The following SKAP2 variants were observed in gnomAD, a reference collection of about 807,000 sequenced individuals.
SKAP2 encodes the protein src kinase-associated phosphoprotein 2.
SKAP2 carries 28 observed loss-of-function variants against 54.9 expected under a neutral mutation model. The ratio of observed to expected loss-of-function variants is 0.51; its 90% CI spans 0.38 to 0.70. The LOEUF (loss-of-function observed/expected upper bound fraction) is 0.70, where lower values mean the gene tolerates loss of function less well. SKAP2 is among the 30% of genes least tolerant of loss of function. The probability of loss-of-function intolerance (pLI) is 0.00; values close to 1 mark genes in which losing one functional copy is unlikely to be tolerated. For missense variants in SKAP2, 356 were observed against 424.1 expected (o/e 0.84, Z 1.41); for synonymous variants, 137 against 134.3 (o/e 1.02, Z -0.14).
chr7:26,769,960 C>T lies in SKAP2; in HGVS notation c.308-29996G>A, dbSNP rs537078445. ...ACCCACTTGAGGAGGCAGTCTGACC[C>T]TTAGCAGAGCTTGAGAGCTGTGCTG... On this transcript the variant is annotated intron_variant, in intron 4 of 12. Transcript: ENST00000345317. 2.6e-5 allele frequency among the ~76,000 whole-genome samples: 4 copies of T among 152,294 alleles called. No individual in the cohort carries two copies. In the East Asian group the frequency reaches 7.7e-4, roughly 29 times the overall value.
intron 4 of SKAP2, among the ~76,000 whole-genome samples, chr7:26,815,693 T>C (rs1174065177): frequency 6.6e-6 from 1 of 152,054 alleles, no homozygotes; most frequent in Non-Finnish European, 1.5e-5. Context: ...TGATGGAGGA[T>C]AAATCAATTA....
At chr7:26,664,066 G>A (rs1385133525), downstream of SKAP2, among the ~76,000 whole-genome samples, 1 of 152,102 alleles carries the variant, frequency 6.6e-6, no homozygotes, top group African/African-American at 2.4e-5. Context: ...CATTTGTTGT[G>A]TGCCTATTAT....
intron 4 of SKAP2, among the ~76,000 whole-genome samples, chr7:26,798,518 T>C (rs113972780): frequency 1.2e-3 from 176 of 152,154 alleles, no homozygotes; most frequent in Admixed American, 3.4e-3. Context: ...CAACCGGAAG[T>C]ACTTCAATCA....
intron 9 of SKAP2, among the ~76,000 whole-genome samples, chr7:26,695,981 C>T (rs1289497042): frequency 1.3e-5 from 2 of 152,084 alleles, no homozygotes; most frequent in Admixed American, 6.6e-5. Context: ...GAACCCCACC[C>T]GCTCTTCTCT....
intron 4 of SKAP2, among the ~76,000 whole-genome samples, chr7:26,794,500 G>A (rs905470488): frequency 1.3e-5 from 2 of 152,228 alleles, no homozygotes; most frequent in African/African-American, 4.8e-5. Flanking sequence ...GATAAAAGTT[G>A]CCAGGTGGAG....
chr7:26,858,125 AG>A (rs1009901374), intron 1 of SKAP2: 1 of 152,204 alleles, frequency 6.6e-6, no homozygotes, highest in African/African-American at 2.4e-5. Flanking sequence ...GAAGCGTGGG[AG>A]GCCCACTCTG....
At chr7:26,736,068 T>C (rs1284092965) in intron 6 of SKAP2, among the ~76,000 whole-genome samples, 3 of 152,188 alleles carry the variant, frequency 2.0e-5, no homozygotes, top group Admixed American at 2.0e-4. Context: ...AATGGTAATT[T>C]TTTTAAAGTG....
At chr7:26,751,234 A>G (rs1202938959) in intron 4 of SKAP2, among the ~76,000 whole-genome samples, 1 of 152,126 alleles carries the variant, frequency 6.6e-6, no homozygotes, top group Non-Finnish European at 1.5e-5. Context: ...CCATCTCCCA[A>G]AACAACCTTA....
At chr7:26,658,153 T>A in the SKAP2 span, among the ~76,000 whole-genome samples, 5 of 152,270 alleles carry the variant, frequency 3.3e-5, 1 homozygote, top group East Asian at 9.7e-4. Flanking sequence ...GACGCAAACA[T>A]AGCATTATTT....
intron 11 of SKAP2, among the ~76,000 whole-genome samples, chr7:26,677,469 T>C (rs1393053056): frequency 2.0e-5 from 3 of 150,750 alleles, no homozygotes; most frequent in African/African-American, 7.3e-5. Flanking sequence ...CTTTCATCAA[T>C]ATAGCCATCC....
At chr7:26,709,195 T>C (rs889048678) in intron 9 of SKAP2, among the ~76,000 whole-genome samples, 2 of 152,200 alleles carry the variant, frequency 1.3e-5, no homozygotes, top group East Asian at 3.9e-4. Flanking sequence ...TCAGGCTAGG[T>C]TTCCAGGAAG....
chr7:26,824,052 T>C (rs2127990989), intron 4 of SKAP2, among the ~76,000 whole-genome samples: 1 of 152,310 alleles, frequency 6.6e-6, no homozygotes, highest in East Asian at 1.9e-4. Flanking sequence ...GGTAAAATGG[T>C]AGCAAACAAC....
intron 4 of SKAP2, among the ~76,000 whole-genome samples, chr7:26,841,110 T>C (rs1298740550): frequency 6.6e-6 from 1 of 152,072 alleles, no homozygotes; most frequent in African/African-American, 2.4e-5. Context: ...CAGCACACCT[T>C]TCAGGCAACT....
At position 26,756,456 on chromosome 7, in the gene SKAP2, C is replaced by G. The variant is rs189866290; in HGVS notation, c.308-16492G>C. ...GGTTTTTTGTCCTTGTGATAGTTTGCTGAGAATGATGGTTTCCAGCTTCAT... is the reference window on the plus strand; with the variant it reads ...GGTTTTTTGTCCTTGTGATAGTTTGGTGAGAATGATGGTTTCCAGCTTCAT... On this transcript the variant is annotated intron_variant, in intron 4 of 12. Transcript: ENST00000345317. Among the ~76,000 whole-genome samples, 73 of 152,278 alleles carry G rather than the reference C, an allele frequency of 4.8e-4. No homozygotes were observed. In the East Asian group the frequency reaches 7.3e-3, roughly 15 times the overall value.
chr7:26,788,848 C>T (rs893479698), intron 4 of SKAP2, among the ~76,000 whole-genome samples: 11 of 151,944 alleles, frequency 7.2e-5, no homozygotes, highest in Admixed American at 7.2e-4. Context: ...ACAAATTAAT[C>T]GCAAAGTTCT....
At chr7:26,665,558 G>T (rs1786091387), downstream of SKAP2, among the ~76,000 whole-genome samples, 1 of 152,158 alleles carries the variant, frequency 6.6e-6, no homozygotes, top group South Asian at 2.1e-4. Flanking sequence ...CATATAATGT[G>T]TACCATGCTG....
At chr7:26,849,231 G>A (rs751623622) in intron 3 of SKAP2, among the ~76,000 whole-genome samples, 2 of 152,006 alleles carry the variant, frequency 1.3e-5, no homozygotes, top group Non-Finnish European at 2.9e-5. Flanking sequence ...GAAGGTCAAA[G>A]GAAACTGCTT....
At chr7:26,753,544 AG>A (rs1782729305) in intron 4 of SKAP2, among the ~76,000 whole-genome samples, 2 of 152,236 alleles carry the variant, frequency 1.3e-5, no homozygotes, top group South Asian at 4.1e-4. Flanking sequence ...TATAAATGAT[AG>A]TGCAACTAAT....
rs530844875 is a variant in SKAP2, at chr7:26,800,595, A to T, written c.307+43435T>A. 8.5e-5 allele frequency among the ~76,000 whole-genome samples: 13 copies of T among 152,332 alleles called. No individual in the cohort carries two copies. In the East Asian group the frequency reaches 2.5e-3, roughly 29 times the overall value. ...TTTTTTGAAATGTTAAACAAAATTG[A>T]CAAACCTTTAGCCACACTAAGAAAA... is the stretch of plus-strand genomic sequence containing the variant. On this transcript the variant is annotated intron_variant, in intron 4 of 12. Coordinates refer to ENST00000345317, the MANE Select transcript of SKAP2 (RefSeq NM_003930.5).
Sources: allele counts gnomAD v4.1 joint callset (sites outside exome capture counted in the v4.1 genomes callset), GRCh38; gene constraint gnomAD v4.1.1; transcripts MANE v1.5; gene names NCBI Gene and HGNC (gene_info 2026-07-23, HGNC 2026-07-21).